Variants in EPSTI1 observed in about 807,000 individuals in gnomAD.
The protein encoded by EPSTI1 is epithelial-stromal interaction protein 1.
EPSTI1 carries 66 observed loss-of-function variants against 49.9 expected under a neutral mutation model. The observed-to-expected ratio is 1.32, with a 90% CI of 1.08 to 1.62. The LOEUF is 1.62. EPSTI1 is among the 40% of genes most tolerant of loss of function. The pLI is 0.00. For missense variants in EPSTI1, 394 were observed against 365.5 expected (o/e 1.08, Z -0.64); for synonymous variants, 137 against 130.7 (o/e 1.05, Z -0.33).
At chr13:42,917,742 A>T (rs2037879817) in intron 7 of EPSTI1, 118 bp from the exon 8 acceptor site, 1 of 661,816 alleles carries the variant, frequency 1.5e-6, no homozygotes, top group Non-Finnish European at 2.6e-6. Context: ...CTCCGTACTG[A>T]GCATATAGTA....
chr13:42,900,633 A>G (rs1015232769), intron 8 of EPSTI1, among the ~76,000 whole-genome samples: 2 of 151,820 alleles, frequency 1.3e-5, no homozygotes, highest in African/African-American at 4.8e-5. Context: ...TGGTCAAGAT[A>G]CTAGATCAAT....
chr13:42,904,386 C>A (rs539335976), intron 8 of EPSTI1, among the ~76,000 whole-genome samples: 5 of 152,246 alleles, frequency 3.3e-5, no homozygotes, highest in African/African-American at 1.2e-4. Context: ...AATATTAAAA[C>A]GATGAGATAA....
rs2036920699 is a variant in EPSTI1 at position 42,888,297 on chromosome 13, G to T, written c.*197C>A. ...CCCTGGCAGTAGAGATTAAATATGAGTTCAGGAATCAGCTCCTCCAAACAT... is the reference window on the plus strand; with the variant it reads ...CCCTGGCAGTAGAGATTAAATATGATTTCAGGAATCAGCTCCTCCAAACAT... On this transcript the variant is annotated 3_prime_UTR_variant, in exon 11 of 11. Coordinates refer to ENST00000313624, the MANE Select transcript of EPSTI1 (RefSeq NM_033255.5). 12 of 1,612,186 alleles carry T rather than the reference G, an allele frequency of 7.4e-6. No individual in the cohort carries two copies. The East Asian group carries it at 2.7e-4, about 36-fold the overall frequency.
Position 42,942,658 on chromosome 13 carries a change from C to CTTTTTT in EPSTI1, c.563+11284_563+11289dup, listed in dbSNP as rs1161224574. Among the ~76,000 whole-genome samples the CTTTTTT allele has an allele frequency of 2.9e-4, 19 of 64,650 alleles. 2 individuals are homozygous for CTTTTTT. The highest frequency in any genetic ancestry group is 8.5e-4 in the South Asian group (1 of 1,180). 42.4% of individuals were successfully genotyped at this position (64,650 alleles called of 152,430 possible). On this transcript the variant is annotated intron_variant, in intron 6 of 10. Transcript: ENST00000313624. ...TGATTTTAATTAGATCCTGTTGATT[C>CTTTTTT]TTTTTTTTTTTTTTTTTTTTTTTTT...
At chr13:42,953,346 A>C (rs2039160056) in intron 6 of EPSTI1, among the ~76,000 whole-genome samples, 1 of 152,150 alleles carries the variant, frequency 6.6e-6, no homozygotes, top group African/African-American at 2.4e-5. Flanking sequence ...CCACATTTAG[A>C]ATTAATGTAG....
rs1434596904 is a variant in EPSTI1, at chr13:42,888,243, C to T, written c.*251G>A. 1 of 1,613,458 alleles carries T rather than the reference C, an allele frequency of 6.2e-7. No homozygotes were observed. The highest frequency in any genetic ancestry group is 8.5e-7 in the Non-Finnish European group (1 of 1,179,570). On this transcript the variant is annotated 3_prime_UTR_variant, in exon 11 of 11. Coordinates refer to ENST00000313624, the MANE Select transcript of EPSTI1 (RefSeq NM_033255.5). The stretch of plus-strand genomic sequence containing the variant: ...CCCTACCAACATCACTCTAATTATA[C>T]TTCCAATTAGAAAAATAATGTAGCA...
chr13:42,956,580 C>T (rs960102280), intron 5 of EPSTI1, among the ~76,000 whole-genome samples: 14 of 152,118 alleles, frequency 9.2e-5, no homozygotes, highest in Admixed American at 5.9e-4. Context: ...GCTGCTTTAG[C>T]GCAGAGGAGG....
intron 7 of EPSTI1, among the ~76,000 whole-genome samples, chr13:42,924,866 T>C (rs2038123952): frequency 6.6e-6 from 1 of 152,196 alleles, no homozygotes; most frequent in South Asian, 2.1e-4. Context: ...CATAATATCT[T>C]CCTGACATTT....
At chr13:42,907,839 C>T (rs2037540262) in intron 8 of EPSTI1, among the ~76,000 whole-genome samples, 1 of 152,116 alleles carries the variant, frequency 6.6e-6, no homozygotes, top group African/African-American at 2.4e-5. Context: ...GAACATTAGC[C>T]ATCTCTGCTT....
chr13:42,967,858 C>G (rs1421119151), intron 3 of EPSTI1, among the ~76,000 whole-genome samples: 1 of 152,188 alleles, frequency 6.6e-6, no homozygotes, highest in African/African-American at 2.4e-5. Flanking sequence ...AGGTCAGAAT[C>G]TGGGAACAGA....
rs991968291 is a variant in EPSTI1 at position 42,922,751 on chromosome 13, C to T, written c.657+3585G>A. Among the ~76,000 whole-genome samples, 6 of 152,062 alleles carry T rather than the reference C, an allele frequency of 3.9e-5. No individual in the cohort carries two copies. Among genetic ancestry groups the T allele is most frequent in the Admixed American group, 1.3e-4 (2 of 15,266 alleles). The stretch of plus-strand genomic sequence containing the variant: ...CTTCTTAATGAATGAGCATGTGACA[C>T]GTAGATAAAAATTACAATAATCAAC... On this transcript the variant is annotated intron_variant, in intron 7 of 10. Coordinates refer to ENST00000313624, the MANE Select transcript of EPSTI1 (RefSeq NM_033255.5). The surrounding 1 kb of genome is among the most constrained non-coding windows in gnomAD (Gnocchi z 4.8).
intron 10 of EPSTI1, among the ~76,000 whole-genome samples, chr13:42,890,296 C>CTTTTCTTTTTTT (rs1470146396): frequency 2.4e-4 from 28 of 116,308 alleles, no homozygotes; most frequent in South Asian, 5.6e-4. Context: ...TTTTTCTTTT[C>CTTTTCTTTTTTT]TTTTTTTTTT....
chr13:42,888,749 TTAGAGA>T (rs1320287311), intron 10 of EPSTI1, among the ~76,000 whole-genome samples: 2 of 152,196 alleles, frequency 1.3e-5, no homozygotes, highest in African/African-American at 4.8e-5. Context: ...GGCTGTGTTC[TTAGAGA>T]TAGACTAACA....
chr13:42,983,370 C>T (rs1236527661), intron 1 of EPSTI1, among the ~76,000 whole-genome samples: 1 of 152,068 alleles, frequency 6.6e-6, no homozygotes, highest in Non-Finnish European at 1.5e-5. Flanking sequence ...TCAAGACCAG[C>T]CTGGCCAACA....
At chr13:42,926,121 ACTT>A (rs1322567948) in intron 7 of EPSTI1, among the ~76,000 whole-genome samples, 2 of 148,368 alleles carry the variant, frequency 1.3e-5, no homozygotes, top group Admixed American at 6.8e-5. Context: ...GAGAGGAAAA[ACTT>A]CTCTGAGGCT....
chr13:42,914,814 A>G (rs2037784964), intron 8 of EPSTI1, among the ~76,000 whole-genome samples: 1 of 152,196 alleles, frequency 6.6e-6, no homozygotes, highest in East Asian at 1.9e-4. Context: ...ACTGTGGCAT[A>G]TTTCTGACAA....
intron 1 of EPSTI1, among the ~76,000 whole-genome samples, chr13:42,980,350 C>T (rs1023542302): frequency 6.6e-6 from 1 of 152,136 alleles, no homozygotes; most frequent in African/African-American, 2.4e-5. Context: ...CATTCTCATG[C>T]TGCTAATAAA....
chr13:42,957,446 G>T (rs918262957), intron 5 of EPSTI1, among the ~76,000 whole-genome samples: 1 of 152,204 alleles, frequency 6.6e-6, no homozygotes, highest in Non-Finnish European at 1.5e-5. Flanking sequence ...TATCAGAGGA[G>T]ACCACGGGAT....
intron 5 of EPSTI1, among the ~76,000 whole-genome samples, chr13:42,956,655 G>A (rs533072594): frequency 1.7e-3 from 263 of 152,280 alleles, no homozygotes; most frequent in Non-Finnish European, 2.9e-3. Flanking sequence ...AGAATTGACC[G>A]CCTGGATGGA....
Sources: gnomAD v4.1 joint callset for allele counts (sites outside exome capture counted in the v4.1 genomes callset) on GRCh38, gnomAD v4.1.1 for gene constraint, Gnocchi (gnomAD v3.1) non-coding constraint, MANE v1.5 for transcripts, NCBI Gene and HGNC (gene_info 2026-07-23, HGNC 2026-07-21) for gene names.